NEB: variants seen among roughly 807,000 people sequenced by gnomAD.
NEB encodes the protein nebulin.
In NEB, 512 loss-of-function variants were observed where a neutral mutation model predicts 952.2. The ratio of observed to expected loss-of-function variants is 0.54; its 90% CI spans 0.50 to 0.58. The LOEUF (loss-of-function observed/expected upper bound fraction) is 0.58, where lower values mean the gene tolerates loss of function less well. NEB is among the 20% of genes least tolerant of loss of function. NEB has a pLI of 0.00. For missense variants in NEB, 8,428 were observed against 9,231.1 expected, an observed-to-expected ratio of 0.91 and a Z score of 3.56; for synonymous variants, 2,900 against 3,149.8, an observed-to-expected ratio of 0.92 and a Z score of 2.66.
chr2:151,505,017 A>T (rs2067675375), intron 165 of NEB, among the ~76,000 whole-genome samples: 1 of 152,248 alleles, frequency 6.6e-6, no homozygotes, highest in African/African-American at 2.4e-5. Flanking sequence ...GTCTTTTTGG[A>T]CACTGGGAAT....
Position 151,627,031 on chromosome 2 carries a change from C to T in NEB, c.10318G>A (p.Ala3440Thr). 4 of 1,613,920 alleles carry T rather than the reference C, an allele frequency of 2.5e-6. No individual in the cohort carries two copies. The highest frequency in any genetic ancestry group is 3.4e-6 in the Non-Finnish European group (4 of 1,179,866). The change falls in exon 70 of 182, where the codon GCC (alanine) becomes ACC (threonine). Residue 3440 changes from alanine (A) to threonine (T), a missense_variant. By Grantham distance (58) the Ala-to-Thr change is moderately conservative. Around this residue, in one of 11 missense-constraint regions of NEB, gnomAD observed 1,772 missense variants for 1,960.3 expected, o/e 0.90. Transcript: ENST00000397345. Reference sequence around the variant, plus strand: ...TTCATATTGAGAGCATTGTTCTTGGCCAGCACCTGCTCTAGAGAGTCAGTC... The same window carrying T: ...TTCATATTGAGAGCATTGTTCTTGGTCAGCACCTGCTCTAGAGAGTCAGTC... ...SVTDSLEQVL[A>T]KNNALNMNKR...
At position 151,576,290 on chromosome 2, in the gene NEB, T is replaced by A. The variant is rs1164912898; in HGVS notation, c.16769A>T (p.Glu5590Val). 1 of 1,610,764 alleles carries A rather than the reference T, an allele frequency of 6.2e-7. No homozygotes were observed. Among genetic ancestry groups the A allele is most frequent in the Non-Finnish European group, 8.5e-7 (1 of 1,177,968 alleles). The change falls in exon 106 of 182, where the codon GAA becomes GTA. Residue 5590 changes from glutamate (E) to valine (V), a missense_variant. By Grantham distance (121) the Glu-to-Val change is moderately radical. Coordinates refer to ENST00000397345, the MANE Select transcript of NEB (RefSeq NM_001164508.2). ...GIGWMPQGSP[E>V]VLRVKNAQNI... is the part of the protein sequence containing the mutation. ...CTGGGCGTTTTTGACTCTCAACACT[T>A]CAGGAGACCCTTGGGGCATCCAGCC...
chr2:151,515,749 T>A (rs2077406433), intron 157 of NEB, among the ~76,000 whole-genome samples: 1 of 152,216 alleles, frequency 6.6e-6, no homozygotes, highest in Non-Finnish European at 1.5e-5. Context: ...CTCCTATAGA[T>A]CCTTTACTCA....
At chr2:151,571,730 T>C (rs1001109861) in intron 107 of NEB, among the ~76,000 whole-genome samples, 1 of 152,252 alleles carries the variant, frequency 6.6e-6, no homozygotes, top group Admixed American at 6.5e-5. Flanking sequence ...TTTTAATGGA[T>C]ACATTGTGTA....
At chr2:151,535,042 TTAACTA>T (rs747780924) in intron 142 of NEB, among the ~76,000 whole-genome samples, 14 of 152,360 alleles carry the variant, frequency 9.2e-5, no homozygotes, top group Non-Finnish European at 1.8e-4. Context: ...AAATACAACT[TTAACTA>T]TAAAACCATC....
At position 151,545,918 on chromosome 2, in the gene NEB, T is replaced by A; in HGVS notation, c.20547A>T (p.Lys6849Asn). 1 of 1,611,302 alleles carries A rather than the reference T, an allele frequency of 6.2e-7. No individual in the cohort carries two copies. Among genetic ancestry groups the A allele is most frequent in the Non-Finnish European group, 8.5e-7 (1 of 1,178,362 alleles). ...TCAGATGTGTCTTCAGTTCTTGCAC[T>A]TTTCTGTATTCTGGAGTGTCAAGCA... ...KVVLDTPEYR[K>N]VQELKTHLSE... The change falls in exon 135 of 182, where the codon AAA becomes AAT. Residue 6849 changes from lysine (K) to asparagine (N), a missense_variant. Lys to Asn is a moderately conservative substitution (Grantham distance 94). Transcript: ENST00000397345.
intron 9 of NEB, among the ~76,000 whole-genome samples, chr2:151,719,322 C>G (rs568605073): frequency 2.2e-4 from 34 of 152,334 alleles, no homozygotes; most frequent in African/African-American, 7.5e-4. Context: ...AATTATCTTT[C>G]TAATCTTCCG....
At chr2:151,619,888 A>G (rs779791669) in intron 72 of NEB, 126 bp from the exon 73 acceptor site, 1 of 953,450 alleles carries the variant, frequency 1.0e-6, no homozygotes, top group Non-Finnish European at 1.5e-6. Context: ...ATGCTGCTGT[A>G]ACGCCACATA....
chr2:151,611,027 AT>A (rs2097932997), intron 78 of NEB, among the ~76,000 whole-genome samples, 161 bp from the exon 79 acceptor site: 1 of 152,252 alleles, frequency 6.6e-6, no homozygotes. Flanking sequence ...CAAAAGAGTC[AT>A]GGGGAAAGTA....
chr2:151,545,223 A>G (rs2094530053), intron 135 of NEB, among the ~76,000 whole-genome samples: 1 of 152,232 alleles, frequency 6.6e-6, no homozygotes, highest in South Asian at 2.1e-4. Flanking sequence ...TGATAGCAGG[A>G]ATTAAAGAGA....
chr2:151,609,911 CAA>C lies in NEB; in HGVS notation c.12226_12227del (p.Leu4076GlyfsTer3). On this transcript the variant is annotated frameshift_variant, in exon 81 of 182. Coordinates refer to ENST00000397345, the MANE Select transcript of NEB (RefSeq NM_001164508.2). LOFTEE classifies it high-confidence loss of function. ...AATTGCGATAATCAATGTCAGTGAC[CAA>C]AGTCTGACATTTCTTGGCCAGCAAG... Reference protein sequence around the residue: ...SILLAKKCQTLVTDIDYRNYL... With the variant: ...SILLAKKCQTXVTDIDYRNYL... The C allele has an allele frequency of 6.2e-7, 1 of 1,613,886 alleles. No homozygotes were observed. The highest frequency in any genetic ancestry group is 8.5e-7 in the Non-Finnish European group (1 of 1,179,818).
chr2:151,609,766 T>C (rs1181676934), intron 81 of NEB, 43 bp downstream of exon 81: 2 of 1,531,008 alleles, frequency 1.3e-6, no homozygotes, highest in Non-Finnish European at 1.8e-6. Context: ...TGAACAAATC[T>C]ACATCTTCCC....
At position 151,688,336 on chromosome 2, in the gene NEB, G is replaced by GAGC. The variant is rs2148990366; in HGVS notation, c.2368_2370dup (p.Ala790dup). On this transcript the variant is annotated inframe_insertion, in exon 25 of 182. Transcript: ENST00000397345. ...TTGACTCTGTGTTGGATAAACTGTG[G>GAGC]AGCATCTGCTGGTATATGGCACTTG... 6.2e-7 allele frequency: 1 copy of GAGC among 1,613,888 alleles called. No individual in the cohort carries two copies. Among genetic ancestry groups the GAGC allele is most frequent in the Admixed American group, 1.7e-5 (1 of 60,008 alleles).
intron 173 of NEB, among the ~76,000 whole-genome samples, chr2:151,494,810 G>A (rs750375108): frequency 9.2e-5 from 14 of 151,984 alleles, no homozygotes; most frequent in Non-Finnish European, 1.3e-4. Flanking sequence ...CACCATGCCC[G>A]GCTAATTTTT....
chr2:151,497,651 T>C lies in NEB; in HGVS notation c.24275A>G (p.Lys8092Arg), dbSNP rs200761405. The change falls in exon 171 of 182, where the codon AAA (lysine) becomes AGA (arginine). Residue 8092 changes from lysine to arginine, a missense_variant. Lys to Arg is a conservative substitution (Grantham distance 26). Around this residue, in one of 11 missense-constraint regions of NEB, gnomAD observed 3,374 missense variants for 3,651.5 expected, o/e 0.92. Coordinates refer to ENST00000397345, the MANE Select transcript of NEB (RefSeq NM_001164508.2). ...CGAGCTAATATTTTCTTGATTGTGT[T>C]TGACTCTTTCCATCTCGGGAGTGAC... ...LPVTPEMERVKHNQENISSVL... is the reference protein window; with the variant it reads ...LPVTPEMERVRHNQENISSVL... 9.5e-5 allele frequency: 151 copies of C among 1,582,492 alleles called. 1 individual carries two copies. The East Asian group carries it at 3.4e-3, about 36-fold the overall frequency.
chr2:151,570,024 C>T, intron 109 of NEB, 57 bp downstream of exon 109: 2 of 1,512,154 alleles, frequency 1.3e-6, no homozygotes. Flanking sequence ...GTCATAAACT[C>T]TCTGGAAGTC....
chr2:151,621,155 A>G, intron 71 of NEB, 129 bp from the exon 72 acceptor site: 1 of 639,950 alleles, frequency 1.6e-6, no homozygotes, highest in South Asian at 2.1e-5. Flanking sequence ...TCAGAAAAAG[A>G]ACTCTTTCTT....
chr2:151,569,833 T>A (rs189450215), intron 109 of NEB, among the ~76,000 whole-genome samples: 1 of 152,344 alleles, frequency 6.6e-6, no homozygotes, highest in East Asian at 1.9e-4. Flanking sequence ...ATAGAAAGAA[T>A]ATTTTCACAG....
intron 76 of NEB, 126 bp downstream of exon 76, chr2:151,615,876 G>C (rs1281743334): frequency 1.4e-6 from 1 of 726,202 alleles, no homozygotes; most frequent in Non-Finnish European, 2.3e-6. Flanking sequence ...ATTTTGTATA[G>C]GGGAAAATCA....
Sources: gnomAD v4.1 joint callset for allele counts (sites outside exome capture counted in the v4.1 genomes callset) on GRCh38, gnomAD v4.1.1 for gene constraint, gnomAD v4.1.1 regional missense constraint, MANE v1.5 for transcripts, NCBI Gene and HGNC (gene_info 2026-07-23, HGNC 2026-07-21) for gene names.